The following MCTP2 variants were observed in gnomAD, a reference collection of about 807,000 sequenced individuals.
MCTP2 encodes multiple C2 and transmembrane domain-containing protein 2.
MCTP2 carries 132 observed loss-of-function variants against 111.6 expected under a neutral mutation model. That is an observed-to-expected ratio of 1.18 (90% CI 1.03 to 1.37). The LOEUF (loss-of-function observed/expected upper bound fraction) is 1.37, where lower values mean the gene tolerates loss of function less well. MCTP2 is among the 40% of genes most tolerant of loss of function. The probability of loss-of-function intolerance (pLI) is 0.00; values close to 1 mark genes in which losing one functional copy is unlikely to be tolerated. For missense variants in MCTP2, 1,183 were observed against 1,067.9 expected (o/e 1.11, Z -1.50); for synonymous variants, 395 against 387.7 (o/e 1.02, Z -0.22).
At chr15:94,467,712 C>CT (rs1323363233) in intron 20 of MCTP2, among the ~76,000 whole-genome samples, 2 of 152,160 alleles carry the variant, frequency 1.3e-5, no homozygotes, top group Non-Finnish European at 2.9e-5. Context: ...CCCCTGTGCC[C>CT]TTGGGCAAGG....
chr15:94,390,507 G>A (rs1232217259), intron 14 of MCTP2, among the ~76,000 whole-genome samples: 4 of 151,860 alleles, frequency 2.6e-5, no homozygotes, highest in Non-Finnish European at 5.9e-5. Context: ...TCTTAATTCT[G>A]TCCTGAAAAT....
chr15:94,261,783 C>T (rs889885012), intron 1 of MCTP2, among the ~76,000 whole-genome samples: 1 of 152,070 alleles, frequency 6.6e-6, no homozygotes, highest in African/African-American at 2.4e-5. Flanking sequence ...ATCCAAAACC[C>T]CTGCTTGGCT....
At chr15:94,248,715 A>G (rs952671519) in intron 1 of MCTP2, among the ~76,000 whole-genome samples, 1 of 152,102 alleles carries the variant, frequency 6.6e-6, no homozygotes, top group Admixed American at 6.6e-5. Context: ...TTTTTATATG[A>G]TTTACGAAAT....
chr15:94,401,821 A>G, intron 16 of MCTP2, 79 bp from the exon 17 acceptor site: 1 of 1,097,536 alleles, frequency 9.1e-7, no homozygotes, highest in Non-Finnish European at 1.3e-6. Flanking sequence ...ATATAATTTA[A>G]ATGATCAGGG....
intron 17 of MCTP2, among the ~76,000 whole-genome samples, chr15:94,413,320 TATA>T (rs1271833209): frequency 6.6e-6 from 1 of 152,230 alleles, no homozygotes; most frequent in African/African-American, 2.4e-5. Context: ...TTTCTGTTTT[TATA>T]ATAATTTTCT....
intron 4 of MCTP2, among the ~76,000 whole-genome samples, chr15:94,322,575 A>G (rs2152378397): frequency 6.6e-6 from 1 of 152,336 alleles, no homozygotes; most frequent in East Asian, 1.9e-4. Context: ...GATTTAACTG[A>G]TGGGCCAAAG....
chr15:94,339,577 C>A, intron 5 of MCTP2, 145 bp downstream of exon 5: 2 of 537,060 alleles, frequency 3.7e-6, no homozygotes, highest in African/African-American at 1.9e-5. Flanking sequence ...ATTCCTTATA[C>A]TGTTTGTTGA....
intron 19 of MCTP2, among the ~76,000 whole-genome samples, chr15:94,453,250 C>CA (rs2084582074): frequency 6.6e-6 from 1 of 152,218 alleles, no homozygotes; most frequent in South Asian, 2.1e-4. Context: ...CAAAGACTAA[C>CA]ACCAGGTTAA....
intron 19 of MCTP2, among the ~76,000 whole-genome samples, chr15:94,457,221 A>G (rs1245152962): frequency 6.6e-6 from 1 of 152,218 alleles, no homozygotes; most frequent in Admixed American, 6.5e-5. Context: ...CATCCCAATT[A>G]CAGCAAAGTC....
At chr15:94,295,189 A>G (rs2075214992) in intron 1 of MCTP2, among the ~76,000 whole-genome samples, 4 of 151,638 alleles carry the variant, frequency 2.6e-5, no homozygotes, top group African/African-American at 9.7e-5. Context: ...ACCTCAAGCC[A>G]TCCACCCGCC....
intron 1 of MCTP2, among the ~76,000 whole-genome samples, chr15:94,244,741 C>T (rs956229679): frequency 6.8e-6 from 1 of 147,490 alleles, no homozygotes; most frequent in East Asian, 2.0e-4. Context: ...TATGTATACA[C>T]ATACATATGC....
At chr15:94,442,993 A>G in intron 19 of MCTP2, 33 bp downstream of exon 19, 1 of 1,601,076 alleles carries the variant, frequency 6.2e-7, no homozygotes, top group Middle Eastern at 1.7e-4. Context: ...ACACACAAAA[A>G]AACACTAGTG....
chr15:94,389,858 G>A (rs2080770274), intron 14 of MCTP2, among the ~76,000 whole-genome samples: 1 of 151,716 alleles, frequency 6.6e-6, no homozygotes, highest in South Asian at 2.1e-4. Context: ...AAATGTCTAA[G>A]TATAAAGTAT....
intron 17 of MCTP2, among the ~76,000 whole-genome samples, chr15:94,439,938 C>T (rs998786813): frequency 6.6e-6 from 1 of 152,152 alleles, no homozygotes; most frequent in African/African-American, 2.4e-5. Context: ...AATCCATGGG[C>T]TTTTCAGGTA....
intron 12 of MCTP2, among the ~76,000 whole-genome samples, chr15:94,375,156 G>C (rs2079696185): frequency 6.6e-6 from 1 of 152,218 alleles, no homozygotes; most frequent in South Asian, 2.1e-4. Flanking sequence ...TACATGGCAG[G>C]AGCAGGACCA....
At chr15:94,370,920 G>C (rs2079450197) in intron 12 of MCTP2, among the ~76,000 whole-genome samples, 2 of 152,062 alleles carry the variant, frequency 1.3e-5, no homozygotes, top group African/African-American at 4.8e-5. Context: ...ATTGATTCAG[G>C]ATTGCATGGT....
chr15:94,249,886 CTT>C (rs2072288835), intron 1 of MCTP2, among the ~76,000 whole-genome samples: 1 of 152,096 alleles, frequency 6.6e-6, no homozygotes, highest in African/African-American at 2.4e-5. Flanking sequence ...TTTGATTAAA[CTT>C]TTTCTTTCTG....
intron 17 of MCTP2, among the ~76,000 whole-genome samples, chr15:94,404,649 G>A (rs1329890633): frequency 6.6e-6 from 1 of 151,616 alleles, no homozygotes; most frequent in African/African-American, 2.4e-5. Flanking sequence ...GGGTAGCCAA[G>A]CTTTCATGTC....
chr15:94,399,706 C>A, intron 15 of MCTP2: 1 of 485,030 alleles, frequency 2.1e-6, no homozygotes, highest in Non-Finnish European at 3.7e-6. Context: ...GAGACAGTAC[C>A]CTTCTAGACT....
Sources: gnomAD v4.1 joint callset for allele counts (sites outside exome capture counted in the v4.1 genomes callset) on GRCh38, gnomAD v4.1.1 for gene constraint, MANE v1.5 for transcripts, NCBI Gene and HGNC (gene_info 2026-07-23, HGNC 2026-07-21) for gene names.